Variants in ZNF267 observed in about 807,000 individuals in gnomAD.
ZNF267 encodes zinc finger (C2H2).
Under a neutral mutation model 71.6 loss-of-function variants are expected in ZNF267, and 61 were observed. The observed-to-expected ratio is 0.85, with a 90% CI of 0.69 to 1.05. The LOEUF (loss-of-function observed/expected upper bound fraction) is 1.05, where lower values mean the gene tolerates loss of function less well. Ranked by LOEUF, ZNF267 falls within the 50% of genes least tolerant of loss-of-function variation. The pLI is 0.00. For missense variants in ZNF267, 852 were observed against 870.0 expected (o/e 0.98, Z 0.26); for synonymous variants, 288 against 293.2 (o/e 0.98, Z 0.18).
intron 1 of ZNF267, chr16:31,875,153 G>A (rs1322953267): frequency 5.4e-6 from 7 of 1,289,002 alleles, no homozygotes; most frequent in African/African-American, 1.5e-5. Context: ...ACTTTACAGG[G>A]CCCTGTATAG....
chr16:31,885,172 T>C lies in ZNF267; in HGVS notation c.142T>C (p.Ser48Pro). 1.2e-6 allele frequency: 2 copies of C among 1,609,828 alleles called. No individual in the cohort carries two copies. The highest frequency in any genetic ancestry group is 1.7e-6 in the Non-Finnish European group (2 of 1,178,380). ...TTCCAATAAAACAGGTCTTGTTGTC[T>C]CTAAGCCGGACCTGATCACCTTTTT... ...RNLVSLGLVVSKPDLITFLEQ... is the reference protein window; with the variant it reads ...RNLVSLGLVVPKPDLITFLEQ... The change falls in exon 3 of 4, where the codon TCT (serine) becomes CCT (proline). Residue 48 changes from serine (S) to proline (P), a missense_variant. Coordinates refer to ENST00000300870, the MANE Select transcript of ZNF267 (RefSeq NM_003414.6).
rs1363380404 is a variant in ZNF267 at position 31,888,295 on chromosome 16, A to G, written c.226+3039A>G. 3.9e-5 allele frequency among the ~76,000 whole-genome samples: 6 copies of G among 152,010 alleles called. No individual in the cohort carries two copies. The East Asian group carries it at 9.6e-4, about 24-fold the overall frequency. ...TCTTTATGGTTTTCTGTATCTTCAA[A>G]TCACTTCATCTGTAAACAGTGAGAA... is the stretch of plus-strand genomic sequence containing the variant. On this transcript the variant is annotated intron_variant, in intron 3 of 3. Coordinates refer to ENST00000300870, the MANE Select transcript of ZNF267 (RefSeq NM_003414.6).
At chr16:31,905,466 T>G (rs1353013687) in intron 3 of ZNF267, among the ~76,000 whole-genome samples, 1 of 152,220 alleles carries the variant, frequency 6.6e-6, no homozygotes, top group Non-Finnish European at 1.5e-5. Flanking sequence ...CCCATATTTC[T>G]TGGAGGCTTT....
chr16:31,913,244 A>T (rs562150863), intron 3 of ZNF267: 1 of 152,180 alleles, frequency 6.6e-6, no homozygotes, highest in Non-Finnish European at 1.5e-5. Flanking sequence ...GTTAAAATCG[A>T]TGAATTATCT....
At chr16:31,877,937 G>T (rs1013281013) in intron 1 of ZNF267, among the ~76,000 whole-genome samples, 7 of 151,998 alleles carry the variant, frequency 4.6e-5, no homozygotes, top group African/African-American at 1.7e-4. Context: ...TCTTTGAAAT[G>T]ATTGAACTTA....
At chr16:31,892,270 C>T (rs549357904) in intron 3 of ZNF267, among the ~76,000 whole-genome samples, 1 of 152,280 alleles carries the variant, frequency 6.6e-6, no homozygotes, top group East Asian at 1.9e-4. Context: ...ATAAAACCAT[C>T]AGATCTCCTG....
chr16:31,915,963 G>T lies in ZNF267; in HGVS notation c.1714G>T (p.Gly572Ter). The T allele has an allele frequency of 1.2e-6, 2 of 1,612,682 alleles. No homozygotes were observed. Among genetic ancestry groups the T allele is most frequent in the South Asian group, 1.1e-5 (1 of 91,066 alleles). The change falls in exon 4 of 4, where the codon GGA becomes TGA. Residue 572 changes from glycine to a stop codon, truncating the protein, a stop_gained. Transcript: ENST00000300870. LOFTEE classifies it high-confidence loss of function. ...TATTCGACATCATCGAATTCATACT[G>T]GAGAAAAACCATACAAATGTAAAGC... is the stretch of plus-strand genomic sequence containing the variant. ...HLIRHHRIHTGEKPYKCKACS... is the reference protein window; with the variant it reads ...HLIRHHRIHT
Position 31,910,502 on chromosome 16 carries a change from C to T in ZNF267, c.227-3974C>T, listed in dbSNP as rs766967792. 1.3e-3 allele frequency among the ~76,000 whole-genome samples: 194 copies of T among 151,592 alleles called. 2 individuals are homozygous for T. Among genetic ancestry groups the T allele is most frequent in the Middle Eastern group, 0.01 (3 of 292 alleles). On this transcript the variant is annotated intron_variant, in intron 3 of 3. Coordinates refer to ENST00000300870, the MANE Select transcript of ZNF267 (RefSeq NM_003414.6). ...TAAGTTGTATATATCTGGGAACTTA[C>T]CCATTTTTGTTAGATTTTCCAATTA...
intron 3 of ZNF267, among the ~76,000 whole-genome samples, chr16:31,897,161 A>C (rs1475375435): frequency 6.6e-6 from 1 of 151,830 alleles, no homozygotes; most frequent in Non-Finnish European, 1.5e-5. Flanking sequence ...ACAAAACAAA[A>C]AAAACCCAGA....
intron 3 of ZNF267, among the ~76,000 whole-genome samples, chr16:31,892,449 C>A (rs1230147498): frequency 3.3e-5 from 5 of 152,184 alleles, no homozygotes; most frequent in Non-Finnish European, 4.4e-5. Flanking sequence ...CTCATGTCCT[C>A]ACATTTCAAA....
chr16:31,885,773 T>C (rs1567472911), intron 3 of ZNF267, among the ~76,000 whole-genome samples: 1 of 152,208 alleles, frequency 6.6e-6, no homozygotes, highest in Non-Finnish European at 1.5e-5. Flanking sequence ...GATGCAGTAA[T>C]TTTATGAAAA....
In ZNF267 at chr16:31,916,961, T is replaced by C. The variant is rs1237255901; in HGVS notation, c.*480T>C. 1 of 155,314 alleles carries C rather than the reference T, an allele frequency of 6.4e-6. No homozygotes were observed. Among genetic ancestry groups the C allele is most frequent in the Non-Finnish European group, 1.4e-5 (1 of 70,036 alleles). The allele number at this position is 155,314 out of a possible 1,614,324, so 9.6% of individuals were successfully genotyped here. A position where few individuals can be genotyped will look rare whatever the true frequency, so the allele number is the denominator to read the frequency against. Reference sequence around the variant, plus strand: ...ATAATCTAAAGGCAAAATAATTAGATAATTTATTTGCTTATATGTTTTAAA... The same window carrying C: ...ATAATCTAAAGGCAAAATAATTAGACAATTTATTTGCTTATATGTTTTAAA... On this transcript the variant is annotated 3_prime_UTR_variant, in exon 4 of 4. Transcript: ENST00000300870.
Position 31,903,862 on chromosome 16 carries a change from C to T in ZNF267, c.227-10614C>T, listed in dbSNP as rs548467943. 6.4e-3 allele frequency among the ~76,000 whole-genome samples: 973 copies of T among 152,258 alleles called. 10 individuals carry two copies. The highest frequency in any genetic ancestry group is 0.022 in the African/African-American group (918 of 41,552). On this transcript the variant is annotated intron_variant, in intron 3 of 3. Coordinates refer to ENST00000300870, the MANE Select transcript of ZNF267 (RefSeq NM_003414.6). ...TGTGTTTGCTCTTGCTTCTCTAGTT[C>T]TTTTAATTGTGATGTTAGGGTGTCA...
Position 31,885,193 on chromosome 16 carries a change from T to C in ZNF267, c.163T>C (p.Phe55Leu). The change falls in exon 3 of 4, where the codon TTT becomes CTT. Residue 55 changes from phenylalanine to leucine, a missense_variant. Physicochemically the swap from Phe to Leu is conservative, Grantham distance 22. Transcript: ENST00000300870. ...TGTCTCTAAGCCGGACCTGATCACC[T>C]TTTTGGAACAAAGGAAAGAGCCTTG... ...LVVSKPDLIT[F>L]LEQRKEPWNV... 6.2e-7 allele frequency: 1 copy of C among 1,610,482 alleles called. No individual in the cohort carries two copies. Among genetic ancestry groups the C allele is most frequent in the South Asian group, 1.1e-5 (1 of 90,770 alleles).
intron 1 of ZNF267, among the ~76,000 whole-genome samples, chr16:31,883,146 A>G (rs2083901173): frequency 6.6e-6 from 1 of 152,234 alleles, no homozygotes; most frequent in African/African-American, 2.4e-5. Flanking sequence ...GAATTAACAT[A>G]TAACAAATAT....
chr16:31,882,234 T>C lies in ZNF267; in HGVS notation c.4-2264T>C, dbSNP rs371583017. ...ACTGCTTTAATGCATGTATCCGTGC[T>C]GTTTTCCAAATGCTGACTTAGACAT... On this transcript the variant is annotated intron_variant, in intron 1 of 3. Transcript: ENST00000300870. 5.3e-5 allele frequency among the ~76,000 whole-genome samples: 8 copies of C among 152,236 alleles called. No homozygotes were observed. The East Asian group carries it at 1.3e-3, about 26-fold the overall frequency.
chr16:31,901,997 C>T (rs1244176873), intron 3 of ZNF267, among the ~76,000 whole-genome samples: 1 of 152,172 alleles, frequency 6.6e-6, no homozygotes, highest in African/African-American at 2.4e-5. Flanking sequence ...GATCCATTTT[C>T]AGCTTTCTCC....
intron 3 of ZNF267, among the ~76,000 whole-genome samples, chr16:31,900,035 T>A (rs2084027083): frequency 6.6e-6 from 1 of 151,154 alleles, no homozygotes; most frequent in Non-Finnish European, 1.5e-5. Flanking sequence ...ATGTGTTTAT[T>A]TATATATATA....
At chr16:31,895,041 C>T (rs2083987927) in intron 3 of ZNF267, 1 of 262,100 alleles carries the variant, frequency 3.8e-6, no homozygotes, top group Non-Finnish European at 7.5e-6. Context: ...CCATGGCTCC[C>T]ACTTCCTCCC....
Sources: gnomAD v4.1 joint callset for allele counts (sites outside exome capture counted in the v4.1 genomes callset) on GRCh38, gnomAD v4.1.1 for gene constraint, MANE v1.5 for transcripts, NCBI Gene and HGNC (gene_info 2026-07-23, HGNC 2026-07-21) for gene names.